The following DIP2A variants were observed in gnomAD, a reference collection of about 807,000 sequenced individuals.
DIP2A encodes DIP2 acetate--CoA ligase A.
Under a neutral mutation model 177.4 loss-of-function variants are expected in DIP2A, and 85 were observed. The observed-to-expected ratio is 0.48, with a 90% CI of 0.40 to 0.57. The LOEUF is 0.57. DIP2A is among the 20% of genes least tolerant of loss of function. The pLI is 0.00. For missense variants in DIP2A, 1,791 were observed against 2,100.2 expected, an observed-to-expected ratio of 0.85 and a Z score of 2.88; for synonymous variants, 886 against 881.8, an observed-to-expected ratio of 1.00 and a Z score of -0.08.
chr21:46,558,030 G>T (rs1462163909), intron 31 of DIP2A, among the ~76,000 whole-genome samples, 193 bp from the exon 32 acceptor site: 1 of 152,208 alleles, frequency 6.6e-6, no homozygotes, highest in Admixed American at 6.5e-5. Flanking sequence ...GGCAGGTGTG[G>T]GATGCAGGTC....
Position 46,557,251 on chromosome 21 carries a change from C to T in DIP2A, c.3629+182C>T, listed in dbSNP as rs2060500360. Reference sequence around the variant, plus strand: ...TGAAATTGAGTGAAAATACATTTTTCATTAAATACACTGTCCGTTATCAGT... The same window carrying T: ...TGAAATTGAGTGAAAATACATTTTTTATTAAATACACTGTCCGTTATCAGT... On this transcript the variant is annotated intron_variant, in intron 30 of 37. Transcript: ENST00000417564. The surrounding 1 kb of genome is among the most constrained non-coding windows in gnomAD (Gnocchi z 6.0). 5.8e-6 allele frequency: 4 copies of T among 684,706 alleles called. No individual in the cohort carries two copies. The highest frequency in any genetic ancestry group is 9.6e-6 in the Non-Finnish European group (4 of 418,434). 42.4% of individuals were successfully genotyped at this position (684,706 alleles called of 1,614,324 possible).
At chr21:46,532,465 G>A (rs924047534) in intron 10 of DIP2A, among the ~76,000 whole-genome samples, 3 of 152,110 alleles carry the variant, frequency 2.0e-5, no homozygotes, top group African/African-American at 4.8e-5. Flanking sequence ...TGCTGGTGAT[G>A]CTCCCACACC....
At position 46,557,365 on chromosome 21, in the gene DIP2A, ATCC is replaced by A; in HGVS notation, c.3630-217_3630-215del. 1 of 649,588 alleles carries A rather than the reference ATCC, an allele frequency of 1.5e-6. No homozygotes were observed. Among genetic ancestry groups the A allele is most frequent in the Non-Finnish European group, 2.6e-6 (1 of 387,112 alleles). 40.2% of individuals were successfully genotyped at this position (649,588 alleles called of 1,614,324 possible). ...AATGCCTCTGGAGTGGTGTCCCCGG[ATCC>A]TCTCCAAGTGTTCGGAGCAGAGCTC... On this transcript the variant is annotated intron_variant, in intron 30 of 37. Transcript: ENST00000417564. This position sits in a 1 kb window ranked among gnomAD's most constrained non-coding sequence, Gnocchi z 6.0.
chr21:46,561,637 C>G, intron 33 of DIP2A, 111 bp from the exon 34 acceptor site: 1 of 1,350,244 alleles, frequency 7.4e-7, no homozygotes, highest in Non-Finnish European at 1.1e-6. Context: ...GACATCCTGA[C>G]TGTTGTCAAC....
At chr21:46,566,133 C>T (rs2060829782) in intron 36 of DIP2A, among the ~76,000 whole-genome samples, 1 of 152,112 alleles carries the variant, frequency 6.6e-6, no homozygotes. Context: ...GATAAGGCTA[C>T]CAGGCTTCTC....
In DIP2A at chr21:46,544,814, C is replaced by T. The variant is rs981324369; in HGVS notation, c.2177-323C>T. 5.9e-5 allele frequency among the ~76,000 whole-genome samples: 9 copies of T among 152,070 alleles called. 1 individual carries two copies. The highest frequency in any genetic ancestry group is 2.2e-4 in the African/African-American group (9 of 41,476). On this transcript the variant is annotated intron_variant, in intron 18 of 37. Coordinates refer to ENST00000417564, the MANE Select transcript of DIP2A (RefSeq NM_015151.4). ...AGGGCCAGCAGCACCCCATGTGGACCCGAGAGGGCAGTATGACAAGAGGAG... is the reference window on the plus strand; with the variant it reads ...AGGGCCAGCAGCACCCCATGTGGACTCGAGAGGGCAGTATGACAAGAGGAG...
rs2054614872 is a variant in DIP2A at position 46,464,431 on chromosome 21, A to T, written c.91+5209A>T. ...ACGTTCTCATGTTCAGATTCTACTC[A>T]TCTGTCAAAGGCCACCCCAAATGCT... On this transcript the variant is annotated intron_variant, in intron 1 of 37. Transcript: ENST00000417564. Among the ~76,000 whole-genome samples the T allele has an allele frequency of 2.0e-5, 3 of 152,308 alleles. No individual in the cohort carries two copies. The South Asian group carries it at 6.2e-4, about 32-fold the overall frequency.
In DIP2A at chr21:46,463,142, C is replaced by G. The variant is rs577325192; in HGVS notation, c.91+3920C>G. Reference sequence around the variant, plus strand: ...CACTCTTCTTAGACCCCCTGCCCCCCAATCATGAACACATACAGAAGAATT... The same window carrying G: ...CACTCTTCTTAGACCCCCTGCCCCCGAATCATGAACACATACAGAAGAATT... On this transcript the variant is annotated intron_variant, in intron 1 of 37. Coordinates refer to ENST00000417564, the MANE Select transcript of DIP2A (RefSeq NM_015151.4). 4 of 152,406 alleles carry G rather than the reference C, an allele frequency of 2.6e-5. No homozygotes were observed. The South Asian group carries it at 6.2e-4, about 24-fold the overall frequency. 9.4% of individuals were successfully genotyped at this position (152,406 alleles called of 1,614,324 possible). A position where few individuals can be genotyped will look rare whatever the true frequency, so the allele number is the denominator to read the frequency against.
intron 8 of DIP2A, among the ~76,000 whole-genome samples, chr21:46,523,082 T>A (rs1313327386): frequency 6.6e-6 from 1 of 151,636 alleles, no homozygotes; most frequent in Non-Finnish European, 1.5e-5. Context: ...TGTGCCACCA[T>A]GCCCAGCTAA....
chr21:46,531,757 T>C (rs754059152), intron 9 of DIP2A, among the ~76,000 whole-genome samples: 1 of 152,250 alleles, frequency 6.6e-6, no homozygotes, highest in Non-Finnish European at 1.5e-5. Flanking sequence ...ACATCTAGTC[T>C]GAAGGTTATA....
Position 46,563,166 on chromosome 21 carries a change from G to A in DIP2A, c.4090-692G>A, listed in dbSNP as rs781368336. 2.0e-5 allele frequency among the ~76,000 whole-genome samples: 3 copies of A among 152,186 alleles called. No individual in the cohort carries two copies. Among genetic ancestry groups the A allele is most frequent in the Admixed American group, 6.5e-5 (1 of 15,284 alleles). ...AACAGAACAGTCCCACTCCGCCGGG[G>A]AGGGTCTGGCGGTAACCGTAGCTCA... On this transcript the variant is annotated intron_variant, in intron 34 of 37. Transcript: ENST00000417564. This position sits in a 1 kb window ranked among gnomAD's most constrained non-coding sequence, Gnocchi z 4.3.
At position 46,546,274 on chromosome 21, in the gene DIP2A, A is replaced by C. The variant is rs941413692; in HGVS notation, c.2394+313A>C. The C allele has an allele frequency of 2.6e-6, 3 of 1,140,548 alleles. No individual in the cohort carries two copies. In the African/African-American group the frequency reaches 4.8e-5, roughly 18 times the overall value. The allele number at this position is 1,140,548 out of a possible 1,614,324, so 70.7% of individuals were successfully genotyped here. A position where few individuals can be genotyped will look rare whatever the true frequency, so the allele number is the denominator to read the frequency against. ...TCATTCTTTACCATTTTGGATGTCTAAACTATTCAAAAATAAATGCTTCTA... is the reference window on the plus strand; with the variant it reads ...TCATTCTTTACCATTTTGGATGTCTCAACTATTCAAAAATAAATGCTTCTA... On this transcript the variant is annotated intron_variant, in intron 20 of 37. Transcript: ENST00000417564.
intron 2 of DIP2A, among the ~76,000 whole-genome samples, chr21:46,489,991 C>T (rs974329082): frequency 3.9e-5 from 6 of 152,084 alleles, no homozygotes; most frequent in African/African-American, 1.2e-4. Flanking sequence ...GATTTGGAGG[C>T]GGAGCAAGTG....
intron 1 of DIP2A, among the ~76,000 whole-genome samples, chr21:46,477,484 G>A (rs1201717783): frequency 2.7e-5 from 4 of 150,482 alleles, no homozygotes; most frequent in Admixed American, 6.6e-5. Context: ...CTGAGATTGC[G>A]CCACTGCACT....
chr21:46,555,933 C>T (rs964991204), intron 28 of DIP2A, 49 bp from the exon 29 acceptor site: 1 of 1,414,590 alleles, frequency 7.1e-7, no homozygotes, highest in African/African-American at 1.4e-5. Context: ...CCAGAGCGTT[C>T]AGAATACATG....
chr21:46,561,637 C>T (rs755311568), intron 33 of DIP2A, 111 bp from the exon 34 acceptor site: 3 of 1,350,126 alleles, frequency 2.2e-6, no homozygotes, highest in South Asian at 2.3e-5. Context: ...GACATCCTGA[C>T]TGTTGTCAAC....
At chr21:46,474,433 A>G (rs2055667848) in intron 1 of DIP2A, among the ~76,000 whole-genome samples, 1 of 152,206 alleles carries the variant, frequency 6.6e-6, no homozygotes, top group South Asian at 2.1e-4. Context: ...ACTCTGAGGA[A>G]CCCAAATCCA....
intron 6 of DIP2A, among the ~76,000 whole-genome samples, chr21:46,504,765 G>A (rs909681736): frequency 3.9e-5 from 6 of 152,170 alleles, no homozygotes; most frequent in African/African-American, 1.2e-4. Context: ...AGGGCGTTTC[G>A]ATCTGCAATA....
At chr21:46,566,281 G>A (rs2060834952) in intron 36 of DIP2A, among the ~76,000 whole-genome samples, 2 of 152,192 alleles carry the variant, frequency 1.3e-5, no homozygotes, top group South Asian at 4.1e-4. Flanking sequence ...AGAACTTTTG[G>A]TAGCTCCTAT....
Sources: allele counts gnomAD v4.1 joint callset (sites outside exome capture counted in the v4.1 genomes callset), GRCh38; gene constraint gnomAD v4.1.1; non-coding constraint Gnocchi (gnomAD v3.1); transcripts MANE v1.5; gene names NCBI Gene and HGNC (gene_info 2026-07-23, HGNC 2026-07-21).